GCA: variants seen among roughly 807,000 people sequenced by gnomAD.
GCA encodes the protein grancalcin, EF-hand calcium-binding protein.
In GCA, 30 loss-of-function variants were observed where a neutral mutation model predicts 32.6. That is an observed-to-expected ratio of 0.92 (90% CI 0.69 to 1.25). The LOEUF (loss-of-function observed/expected upper bound fraction) is 1.25, where lower values mean the gene tolerates loss of function less well. GCA is among the 50% of genes most tolerant of loss of function. GCA has a pLI of 0.00. For synonymous variants in GCA, 102 were observed against 84.6 expected, an observed-to-expected ratio of 1.21 and a Z score of -1.13; for missense variants, 291 against 266.8, an observed-to-expected ratio of 1.09 and a Z score of -0.63.
Position 162,324,655 on chromosome 2 carries a change from T to G in GCA, c.-31+5430T>G, listed in dbSNP as rs541335683. On this transcript the variant is annotated intron_variant, in intron 1 of 4. Coordinates refer to the GCA transcript ENST00000429691. ...AATGCAACATTTGGCAGGAAATGCC[T>G]GTCCTCACCTAGGTCTGTGAGGGTA... 2.5e-4 allele frequency among the ~76,000 whole-genome samples: 38 copies of G among 152,324 alleles called. 1 individual carries two copies. Among genetic ancestry groups the G allele is most frequent in the African/African-American group, 9.1e-4 (38 of 41,580 alleles).
chr2:162,343,232 TC>T (rs1444182058), upstream of GCA, among the ~76,000 whole-genome samples: 19 of 152,236 alleles, frequency 1.2e-4, no homozygotes, highest in African/African-American at 4.3e-4. Flanking sequence ...TTTCATTTGT[TC>T]ATAAGCCAAA....
downstream of GCA, chr2:162,373,794 GCA>G: frequency 2.1e-6 from 1 of 484,538 alleles, no homozygotes; most frequent in Middle Eastern, 5.4e-4. Context: ...AGGAGAGGGA[GCA>G]CAGAGATTCT....
downstream of GCA, among the ~76,000 whole-genome samples, chr2:162,374,684 T>C (rs1432116436): frequency 6.6e-6 from 1 of 152,110 alleles, no homozygotes; most frequent in Non-Finnish European, 1.5e-5. Context: ...GAGAACATAA[T>C]AAACCTGGAA....
chr2:162,355,637 A>G (rs1469626880), intron 3 of GCA, among the ~76,000 whole-genome samples: 1 of 151,952 alleles, frequency 6.6e-6, no homozygotes, highest in Admixed American at 6.6e-5. Flanking sequence ...GAAAAATTGA[A>G]TTTTATCAAT....
Position 162,362,640 on chromosome 2 carries a change from G to T in GCA, c.*2397G>T, listed in dbSNP as rs1576305015. 1 of 830,796 alleles carries T rather than the reference G, an allele frequency of 1.2e-6. No homozygotes were observed. The highest frequency in any genetic ancestry group is 1.2e-4 in the East Asian group (1 of 8,076). 51.5% of individuals were successfully genotyped at this position (830,796 alleles called of 1,614,324 possible). A position where few individuals can be genotyped will look rare whatever the true frequency, so the allele number is the denominator to read the frequency against. ...AAACATTCAAATAGCTTGCTGTAAA[G>T]TTTTGTATCATACAAAATCTGTTAC... On this transcript the variant is annotated 3_prime_UTR_variant, in exon 8 of 8. Coordinates refer to ENST00000437150, the MANE Select transcript of GCA (RefSeq NM_012198.5).
At chr2:162,345,882 TTAA>T (rs1684678281) in intron 1 of GCA, among the ~76,000 whole-genome samples, 2 of 152,202 alleles carry the variant, frequency 1.3e-5, no homozygotes, top group African/African-American at 2.4e-5. Context: ...CCATGCCTTA[TTAA>T]TGTTTCTTAT....
chr2:162,354,120 C>T (rs770487854), intron 3 of GCA, among the ~76,000 whole-genome samples: 8 of 151,696 alleles, frequency 5.3e-5, no homozygotes, highest in Non-Finnish European at 8.8e-5. Context: ...CCTCATTTTG[C>T]TTGTTTTGGT....
intron 1 of GCA, among the ~76,000 whole-genome samples, chr2:162,327,300 T>A (rs968290059): frequency 6.6e-6 from 1 of 152,134 alleles, no homozygotes; most frequent in Non-Finnish European, 1.5e-5. Context: ...AATTTGCAGT[T>A]ATCAGCCAGC....
rs531217171 is a variant in GCA, at chr2:162,369,568, G to C, written c.366-1738G>C. ...AAATATAAACAAGTTTTATGTGGGAGGCTGGATTTTATGCATGTCATACCA... is the reference window on the plus strand; with the variant it reads ...AAATATAAACAAGTTTTATGTGGGACGCTGGATTTTATGCATGTCATACCA... On this transcript the variant is annotated intron_variant, in intron 4 of 4. Coordinates refer to the GCA transcript ENST00000414723. Among the ~76,000 whole-genome samples the C allele has an allele frequency of 2.6e-5, 4 of 152,180 alleles. No homozygotes were observed. In the South Asian group the frequency reaches 8.3e-4, roughly 32 times the overall value.
chr2:162,359,352 C>G (rs1417944827), intron 6 of GCA, 142 bp from the exon 7 acceptor site: 4 of 586,660 alleles, frequency 6.8e-6, no homozygotes, highest in Non-Finnish European at 1.2e-5. Flanking sequence ...GGAAGTTTTT[C>G]TCATATCTCT....
rs1262174225 is a variant in GCA, at chr2:162,363,116, G to A, written c.*2873G>A. 6.6e-6 allele frequency among the ~76,000 whole-genome samples: 1 copy of A among 151,304 alleles called. No individual in the cohort carries two copies. The highest frequency in any genetic ancestry group is 1.5e-5 in the Non-Finnish European group (1 of 67,494). On this transcript the variant is annotated 3_prime_UTR_variant, in exon 8 of 8. Coordinates refer to ENST00000437150, the MANE Select transcript of GCA (RefSeq NM_012198.5). ...TGGACAAACAAAATAAATACTCTTTGTCGGAAATGTGCTCTTTGTCTTTTT... is the reference window on the plus strand; with the variant it reads ...TGGACAAACAAAATAAATACTCTTTATCGGAAATGTGCTCTTTGTCTTTTT...
chr2:162,329,712 C>T (rs1684009688), intron 1 of GCA, among the ~76,000 whole-genome samples: 1 of 151,690 alleles, frequency 6.6e-6, no homozygotes, highest in African/African-American at 2.4e-5. Flanking sequence ...TTCAGGGGTA[C>T]ATGTGCAGGT....
exon 1 of GCA, chr2:162,319,121 A>T (rs1276523985): frequency 2.2e-6 from 1 of 456,476 alleles, no homozygotes; most frequent in Non-Finnish European, 4.4e-6. Flanking sequence ...AGCTCAGAAG[A>T]CATCTTTGCA....
intron 3 of GCA, among the ~76,000 whole-genome samples, chr2:162,355,711 A>G (rs543742366): frequency 6.6e-6 from 1 of 151,714 alleles, no homozygotes; most frequent in Non-Finnish European, 1.5e-5. Flanking sequence ...CCTGGTTTTA[A>G]GATAGCTTGT....
At chr2:162,320,805 G>A (rs1339729436) in intron 1 of GCA, among the ~76,000 whole-genome samples, 1 of 152,154 alleles carries the variant, frequency 6.6e-6, no homozygotes, top group Non-Finnish European at 1.5e-5. Flanking sequence ...ATGGGAGTGG[G>A]AAGATAGATG....
At position 162,362,032 on chromosome 2, in the gene GCA, A is replaced by G; in HGVS notation, c.*1789A>G. Reference sequence around the variant, plus strand: ...TTCATGTAAGCTTCTGCCAGGTGACACTCTATATTAGAACTCTTTAACACA... The same window carrying G: ...TTCATGTAAGCTTCTGCCAGGTGACGCTCTATATTAGAACTCTTTAACACA... On this transcript the variant is annotated 3_prime_UTR_variant, in exon 8 of 8. Coordinates refer to ENST00000437150, the MANE Select transcript of GCA (RefSeq NM_012198.5). The G allele has an allele frequency of 1.0e-6, 1 of 983,430 alleles. No individual in the cohort carries two copies. The highest frequency in any genetic ancestry group is 1.2e-6 in the Non-Finnish European group (1 of 828,460). The allele number at this position is 983,430 out of a possible 1,614,324, so 60.9% of individuals were successfully genotyped here.
At chr2:162,367,770 GGAC>G (rs948056506), downstream of GCA, among the ~76,000 whole-genome samples, 1 of 151,890 alleles carries the variant, frequency 6.6e-6, no homozygotes, top group African/African-American at 2.4e-5. Flanking sequence ...CCATGTTTCT[GGAC>G]GAGAAACAAG....
upstream of GCA, among the ~76,000 whole-genome samples, chr2:162,342,651 T>G (rs1180234051): frequency 1.3e-5 from 2 of 152,224 alleles, no homozygotes; most frequent in Non-Finnish European, 2.9e-5. Context: ...CCATGGGGCC[T>G]TAACTCCCAA....
chr2:162,372,017 C>T, downstream of GCA: 1 of 1,612,600 alleles, frequency 6.2e-7, no homozygotes, highest in Non-Finnish European at 8.5e-7. Context: ...TCTTCTGAAG[C>T]TGTGTTCAGA....
Sources: allele counts gnomAD v4.1 joint callset (sites outside exome capture counted in the v4.1 genomes callset), GRCh38; gene constraint gnomAD v4.1.1; transcripts MANE v1.5; gene names NCBI Gene and HGNC (gene_info 2026-07-23, HGNC 2026-07-21).